SLC10A7: variants seen among roughly 807,000 people sequenced by gnomAD.
SLC10A7 encodes the protein solute carrier family 10 member 7, also known as sodium/bile acid cotransporter 7.
SLC10A7 carries 29 observed loss-of-function variants against 43.2 expected under a neutral mutation model. The ratio of observed to expected loss-of-function variants is 0.67; its 90% CI spans 0.50 to 0.92. The LOEUF (loss-of-function observed/expected upper bound fraction) is 0.92. SLC10A7 is among the 40% of genes least tolerant of loss of function. The probability of loss-of-function intolerance (pLI) is 0.00; values close to 1 mark genes in which losing one functional copy is unlikely to be tolerated. For missense variants in SLC10A7, 295 were observed against 403.2 expected, an observed-to-expected ratio of 0.73 and a Z score of 2.30; for synonymous variants, 152 against 144.8, an observed-to-expected ratio of 1.05 and a Z score of -0.35.
At chr4:146,405,703 G>A (rs927207323) in intron 5 of SLC10A7, among the ~76,000 whole-genome samples, 2 of 152,018 alleles carry the variant, frequency 1.3e-5, no homozygotes, top group Admixed American at 6.6e-5. Flanking sequence ...AGTCTAACTG[G>A]GTAGATGTAC....
rs531327225 is a variant in SLC10A7 at position 146,356,991 on chromosome 4, C to T, written c.436-30995G>A. The stretch of plus-strand genomic sequence containing the variant: ...AAACAACACATCTTTATAATGAATC[C>T]TATAGCCCTATTCCTCTCTGCTCTA... On this transcript the variant is annotated intron_variant, in intron 5 of 11. Coordinates refer to ENST00000335472, the MANE Select transcript of SLC10A7 (RefSeq NM_001029998.6). Among the ~76,000 whole-genome samples, 10 of 152,238 alleles carry T rather than the reference C, an allele frequency of 6.6e-5. No individual in the cohort carries two copies. The South Asian group carries it at 2.1e-3, about 32-fold the overall frequency.
chr4:146,509,030 T>C (rs1474642160), intron 3 of SLC10A7, among the ~76,000 whole-genome samples: 1 of 152,198 alleles, frequency 6.6e-6, no homozygotes, highest in Non-Finnish European at 1.5e-5. Context: ...CTTTGTACAT[T>C]ATGTTTCCTT....
chr4:146,282,470 T>C (rs114467587), intron 10 of SLC10A7, among the ~76,000 whole-genome samples: 4,088 of 152,264 alleles, frequency 0.027, 80 homozygotes, highest in Non-Finnish European at 0.041. Flanking sequence ...TGCCATAACA[T>C]GCCCACCACC....
chr4:146,469,320 A>G (rs1228774927), intron 4 of SLC10A7, among the ~76,000 whole-genome samples: 1 of 152,236 alleles, frequency 6.6e-6, no homozygotes, highest in African/African-American at 2.4e-5. Context: ...GGTGTCAGAG[A>G]GATTGGAAAT....
At chr4:146,267,977 C>A (rs1578744114) in intron 10 of SLC10A7, among the ~76,000 whole-genome samples, 1 of 152,060 alleles carries the variant, frequency 6.6e-6, no homozygotes, top group Non-Finnish European at 1.5e-5. Context: ...AGTTTCCAAC[C>A]TCTGAAGCCT....
At chr4:146,342,117 A>G (rs1261325302) in intron 5 of SLC10A7, among the ~76,000 whole-genome samples, 1 of 151,842 alleles carries the variant, frequency 6.6e-6, no homozygotes, top group Admixed American at 6.6e-5. Context: ...TCTTAAGATA[A>G]TCATACTATA....
At chr4:146,406,570 C>A (rs796985984) in intron 5 of SLC10A7, among the ~76,000 whole-genome samples, 5 of 152,242 alleles carry the variant, frequency 3.3e-5, no homozygotes, top group African/African-American at 1.2e-4. Context: ...ATGGAGCGTG[C>A]TGTTTAATTA....
intron 7 of SLC10A7, among the ~76,000 whole-genome samples, chr4:146,303,497 C>T (rs1469900964): frequency 6.6e-6 from 1 of 151,446 alleles, no homozygotes; most frequent in Non-Finnish European, 1.5e-5. Flanking sequence ...CCTGCACCAA[C>T]CTCCTGAGTA....
At chr4:146,431,244 A>G (rs1729753741) in intron 5 of SLC10A7, among the ~76,000 whole-genome samples, 1 of 152,148 alleles carries the variant, frequency 6.6e-6, no homozygotes, top group Admixed American at 6.5e-5. Context: ...CATATATATC[A>G]ATATGTAGAT....
chr4:146,332,811 A>G (rs1252090264), intron 5 of SLC10A7, among the ~76,000 whole-genome samples: 4 of 152,208 alleles, frequency 2.6e-5, no homozygotes, highest in Non-Finnish European at 5.9e-5. Context: ...TGACAGGAAG[A>G]TAGCACACTG....
intron 5 of SLC10A7, among the ~76,000 whole-genome samples, chr4:146,425,437 A>T (rs187118452): frequency 1.3e-3 from 193 of 152,318 alleles, no homozygotes; most frequent in African/African-American, 4.4e-3. Flanking sequence ...GGATACCTAA[A>T]ATGTGGCTAG....
intron 4 of SLC10A7, among the ~76,000 whole-genome samples, chr4:146,458,699 C>T (rs1732285203): frequency 6.6e-6 from 1 of 151,834 alleles, no homozygotes; most frequent in Admixed American, 6.6e-5. Context: ...TAAACAACTT[C>T]CTCGTTTTTA....
At chr4:146,395,788 A>C (rs1738784701) in intron 5 of SLC10A7, among the ~76,000 whole-genome samples, 1 of 152,166 alleles carries the variant, frequency 6.6e-6, no homozygotes, top group Admixed American at 6.5e-5. Flanking sequence ...TGTTTGTTCA[A>C]TATTTCAATA....
intron 6 of SLC10A7, among the ~76,000 whole-genome samples, chr4:146,309,224 T>C (rs940662293): frequency 4.6e-5 from 7 of 152,160 alleles, no homozygotes; most frequent in South Asian, 2.1e-4. Flanking sequence ...TGAACCATTG[T>C]TCTGTGTATC....
intron 5 of SLC10A7, among the ~76,000 whole-genome samples, chr4:146,415,583 T>C (rs1728505421): frequency 6.6e-6 from 1 of 152,164 alleles, no homozygotes; most frequent in African/African-American, 2.4e-5. Flanking sequence ...GGAAATTCAG[T>C]CTCAGCAATA....
intron 5 of SLC10A7, chr4:146,442,333 C>T (rs1472811638): frequency 1.0e-6 from 1 of 987,056 alleles, no homozygotes; most frequent in African/African-American, 1.8e-5. Flanking sequence ...TTCTCAGAAG[C>T]ATCCAAGCCA....
intron 4 of SLC10A7, among the ~76,000 whole-genome samples, chr4:146,477,653 G>C (rs1006616853): frequency 1.3e-5 from 2 of 152,160 alleles, no homozygotes; most frequent in Admixed American, 6.5e-5. Flanking sequence ...TGAAAAGAAA[G>C]AGGTCAACTA....
chr4:146,256,927 G>T, intron 11 of SLC10A7: 1 of 1,535,614 alleles, frequency 6.5e-7, no homozygotes, highest in South Asian at 1.2e-5. Flanking sequence ...CCCCTGGTTT[G>T]GAGTAGTTTC....
At position 146,292,846 on chromosome 4, in the gene SLC10A7, AC is replaced by A. The variant is rs1304686315; in HGVS notation, c.773+82del. The A allele has an allele frequency of 1.1e-5, 10 of 933,708 alleles. No individual in the cohort carries two copies. In the East Asian group the frequency reaches 2.6e-4, roughly 24 times the overall value. The allele number at this position is 933,708 out of a possible 1,614,324, so 57.8% of individuals were successfully genotyped here. A position where few individuals can be genotyped will look rare whatever the true frequency, so the allele number is the denominator to read the frequency against. ...TATGTAAAAGGAGAAAAAAATATAA[AC>A]GTGTATAGTGGCATAGTAGCCAAGT... is the stretch of plus-strand genomic sequence containing the variant. On this transcript the variant is annotated intron_variant, in intron 9 of 11. Coordinates refer to ENST00000335472, the MANE Select transcript of SLC10A7 (RefSeq NM_001029998.6).
Sources: gnomAD v4.1 joint callset for allele counts (sites outside exome capture counted in the v4.1 genomes callset) on GRCh38, gnomAD v4.1.1 for gene constraint, MANE v1.5 for transcripts, NCBI Gene and HGNC (gene_info 2026-07-23, HGNC 2026-07-21) for gene names.